GPHN: variants seen among roughly 807,000 people sequenced by gnomAD.
The protein encoded by GPHN is gephyrin.
Under a neutral mutation model 95.5 loss-of-function variants are expected in GPHN, and 17 were observed. The ratio of observed to expected loss-of-function variants is 0.18; its 90% CI spans 0.12 to 0.27. GPHN has a LOEUF of 0.27. Ranked by LOEUF, GPHN falls within the 10% of genes least tolerant of loss-of-function variation. The pLI is 1.00. For synonymous variants in GPHN, 320 were observed against 322.5 expected (o/e 0.99, Z 0.08); for missense variants, 660 against 978.1 (o/e 0.67, Z 4.34).
At chr14:66,588,399 T>C in intron 1 of GPHN, among the ~76,000 whole-genome samples, 1 of 152,044 alleles carries the variant, frequency 6.6e-6, no homozygotes. Context: ...TTTGATGAAT[T>C]GACAAAATTA....
At chr14:67,301,315 A>C in the GPHN span, 1 of 768,090 alleles carries the variant, frequency 1.3e-6, no homozygotes, top group Non-Finnish European at 2.0e-6. Flanking sequence ...TACTTAAAAA[A>C]TATGACCCTG....
chr14:67,618,941 A>G, the GPHN span, among the ~76,000 whole-genome samples: 3 of 152,234 alleles, frequency 2.0e-5, no homozygotes, highest in East Asian at 1.9e-4. Flanking sequence ...GAGGTGAAAT[A>G]AATTTCAGGA....
chr14:66,733,838 A>G (rs550237729), intron 2 of GPHN, among the ~76,000 whole-genome samples: 4 of 152,230 alleles, frequency 2.6e-5, no homozygotes, highest in African/African-American at 9.6e-5. Flanking sequence ...GACATAGTTC[A>G]GGAGGTATTT....
chr14:67,164,745 G>T (rs1017446080), intron 19 of GPHN, among the ~76,000 whole-genome samples: 1 of 152,054 alleles, frequency 6.6e-6, no homozygotes, highest in Non-Finnish European at 1.5e-5. Context: ...ACCCCCCTCA[G>T]CCTCCCAAAG....
chr14:67,062,535 A>G (rs1395041620), intron 11 of GPHN, among the ~76,000 whole-genome samples: 1 of 152,218 alleles, frequency 6.6e-6, no homozygotes, highest in East Asian at 1.9e-4. Context: ...AAAACTAAGG[A>G]CTTAACATGT....
intron 1 of GPHN, among the ~76,000 whole-genome samples, chr14:66,559,521 G>T (rs2140259369): frequency 6.6e-6 from 1 of 151,278 alleles, no homozygotes; most frequent in African/African-American, 2.4e-5. Flanking sequence ...GTGTTTTTTG[G>T]CTGCATAAAT....
At chr14:66,918,727 A>G (rs1197161075) in intron 6 of GPHN, among the ~76,000 whole-genome samples, 2 of 152,084 alleles carry the variant, frequency 1.3e-5, no homozygotes, top group African/African-American at 2.4e-5. Context: ...AGACATTCCT[A>G]TTAGGCGTGA....
At chr14:67,263,792 T>A in the GPHN span, among the ~76,000 whole-genome samples, 30 of 152,322 alleles carry the variant, frequency 2.0e-4, no homozygotes, top group South Asian at 1.0e-3. Context: ...GCAAGTAGTG[T>A]TGCTGCTTTT....
chr14:67,144,286 T>TATATACATAC, intron 18 of GPHN, among the ~76,000 whole-genome samples: 1 of 78,124 alleles, frequency 1.3e-5, no homozygotes, highest in African/African-American at 6.4e-5. Context: ...TATATATATA[T>TATATACATAC]ACACACACAC....
chr14:66,953,041 C>G (rs532859077), intron 8 of GPHN, among the ~76,000 whole-genome samples: 1 of 150,500 alleles, frequency 6.6e-6, no homozygotes, highest in Non-Finnish European at 1.5e-5. Flanking sequence ...GAAATGGCAT[C>G]TCATTGTGGT....
At chr14:66,803,298 A>G (rs1386193079) in intron 3 of GPHN, among the ~76,000 whole-genome samples, 1 of 152,194 alleles carries the variant, frequency 6.6e-6, no homozygotes, top group African/African-American at 2.4e-5. Context: ...CTGCCACGGG[A>G]TAGGACAGGG....
the GPHN span, chr14:67,650,821 CT>C: frequency 6.2e-7 from 1 of 1,614,160 alleles, no homozygotes; most frequent in South Asian, 1.1e-5. Context: ...TTGCTTCAAG[CT>C]TTGGTCAGAC....
intron 13 of GPHN, among the ~76,000 whole-genome samples, chr14:67,109,407 C>T (rs1025082305): frequency 4.6e-5 from 7 of 152,142 alleles, no homozygotes; most frequent in Non-Finnish European, 8.8e-5. Context: ...TCAGATGAAT[C>T]TTACAGAAAA....
intron 2 of GPHN, among the ~76,000 whole-genome samples, chr14:66,716,769 A>G (rs1039088356): frequency 3.2e-4 from 48 of 152,066 alleles, no homozygotes; most frequent in African/African-American, 1.2e-3. Context: ...ATCTTCATGT[A>G]TGTTGCTTAG....
At chr14:66,982,329 C>A (rs898802025) in intron 9 of GPHN, among the ~76,000 whole-genome samples, 1 of 151,782 alleles carries the variant, frequency 6.6e-6, no homozygotes, top group Non-Finnish European at 1.5e-5. Context: ...TCTTTTGTTG[C>A]ATAATATTAC....
the GPHN span, among the ~76,000 whole-genome samples, chr14:67,631,415 G>A: frequency 6.8e-6 from 1 of 147,400 alleles, no homozygotes; most frequent in African/African-American, 2.5e-5. Flanking sequence ...AATTCCTCTA[G>A]TAAATCCTTT....
intron 1 of GPHN, among the ~76,000 whole-genome samples, chr14:66,677,251 T>C (rs2066658286): frequency 6.6e-6 from 1 of 152,108 alleles, no homozygotes. Context: ...TGTGATCCTT[T>C]GTGGGTTTTT....
At chr14:67,177,651 T>C (rs2083073264) in intron 21 of GPHN, among the ~76,000 whole-genome samples, 1 of 152,200 alleles carries the variant, frequency 6.6e-6, no homozygotes, top group African/African-American at 2.4e-5. Context: ...TTCTGTCTTG[T>C]TGATCTGTCT....
chr14:67,412,150 A>G, the GPHN span: 1 of 1,186,012 alleles, frequency 8.4e-7, no homozygotes, highest in East Asian at 3.2e-5. Context: ...GTCCGCGCCC[A>G]CGGCGCCCAG....
Sources: allele counts gnomAD v4.1 joint callset (sites outside exome capture counted in the v4.1 genomes callset), GRCh38; gene constraint gnomAD v4.1.1; transcripts MANE v1.5; gene names NCBI Gene and HGNC (gene_info 2026-07-23, HGNC 2026-07-21).